TSC2: variants seen among roughly 807,000 people sequenced by gnomAD.
TSC2 encodes the protein tuberin.
TSC2 carries 29 observed loss-of-function variants against 202.2 expected under a neutral mutation model. The ratio of observed to expected loss-of-function variants is 0.14; its 90% CI spans 0.11 to 0.20. The LOEUF (loss-of-function observed/expected upper bound fraction) is 0.20, where lower values mean the gene tolerates loss of function less well. Among genes scored for constraint, TSC2 ranks in the 10% least tolerant of loss-of-function variants. The pLI is 1.00. For missense variants in TSC2, 2,429 were observed against 2,420.0 expected (o/e 1.00, Z -0.08); for synonymous variants, 1,349 against 1,044.0 (o/e 1.29, Z -5.63).
At chr16:2,075,525 CAAAAAAAAAA>C (rs933350142) in intron 22 of TSC2, among the ~76,000 whole-genome samples, 21 of 27,288 alleles carry the variant, frequency 7.7e-4, no homozygotes, top group African/African-American at 2.5e-3. Flanking sequence ...AGACTCATCT[CAAAAAAAAAA>C]AAAAAAAAAA....
In TSC2 at chr16:2,079,657, C is replaced by T. The variant is rs1028039505; in HGVS notation, c.3385C>T (p.Arg1129Cys). Residue 1129 changes from arginine (R) to cysteine (C), a missense_variant, in exon 29 of 42, where the codon CGT becomes TGT. By Grantham distance (180) the Arg-to-Cys change is radical. Coordinates refer to ENST00000219476, the MANE Select transcript of TSC2 (RefSeq NM_000548.5). This position sits in a 1 kb window ranked among gnomAD's most constrained non-coding sequence, Gnocchi z 4.6. ...QVSRGARDRVRSMSGGHGLRV... is the reference protein window; with the variant it reads ...QVSRGARDRVCSMSGGHGLRV... ...GTCCCGTGGGGCCCGGGATCGGGTC[C>T]GTTCCATGTCGGGTGAGCCTTGGCC... is the stretch of plus-strand genomic sequence containing the variant. The T allele has an allele frequency of 5.0e-6, 8 of 1,594,812 alleles. No individual in the cohort carries two copies. Among genetic ancestry groups the T allele is most frequent in the Admixed American group, 1.7e-5 (1 of 57,440 alleles).
In TSC2 at chr16:2,061,991, T is replaced by C; in HGVS notation, c.1240T>C (p.Cys414Arg). ...QERYFELVER[C>R]ADQRPESSLL... ...GAGATACTTTGAACTGGTGGAGAGA[T>C]GTGCGGACCAGAGGCCTGTGAGACC... The change falls in exon 12 of 42, where the codon TGT (cysteine) becomes CGT (arginine). Residue 414 changes from cysteine (C) to arginine (R), a missense_variant. Physicochemically the swap from Cys to Arg is radical, Grantham distance 180. Transcript: ENST00000219476. 1 of 1,614,074 alleles carries C rather than the reference T, an allele frequency of 6.2e-7. No individual in the cohort carries two copies. The highest frequency in any genetic ancestry group is 2.2e-5 in the East Asian group (1 of 44,878).
At chr16:2,065,209 C>G in intron 15 of TSC2, 4 of 341,728 alleles carry the variant, frequency 1.2e-5, no homozygotes, top group South Asian at 1.1e-4. Flanking sequence ...GTCAGGAGAT[C>G]AAGACCATCC....
Position 2,056,720 on chromosome 16 carries a change from C to T in TSC2, c.725C>T (p.Thr242Ile), listed in dbSNP as rs1007232729. Residue 242 changes from threonine to isoleucine, a missense_variant, in exon 8 of 42, where the codon ACC becomes ATC. By Grantham distance (89) the Thr-to-Ile change is moderately conservative. Transcript: ENST00000219476. ...GAGAGCCTCCCGCTGTTCATCGTTA[C>T]CCTCTGTCGCACCATCAACGTCAAG... ...PAESLPLFIV[T>I]LCRTINVKEL... 1.9e-6 allele frequency: 3 copies of T among 1,612,368 alleles called. No individual in the cohort carries two copies. The highest frequency in any genetic ancestry group is 2.2e-5 in the East Asian group (1 of 44,888).
At chr16:2,048,271 T>G (rs963462832) in intron 1 of TSC2, 16 of 1,223,872 alleles carry the variant, frequency 1.3e-5, no homozygotes, top group Admixed American at 5.9e-5. Context: ...CTGCTTCACA[T>G]GGGTAGAGGA....
At position 2,081,695 on chromosome 16, in the gene TSC2, G is replaced by A. The variant is rs754945653; in HGVS notation, c.3711G>A (p.Ala1237=). Reference sequence around the variant, plus strand: ...AGGAGCTGTCTAACGCCCTCATGGCGGCTGAGCGCTTCAAGGAGCACCGGG... The same window carrying A: ...AGGAGCTGTCTAACGCCCTCATGGCAGCTGAGCGCTTCAAGGAGCACCGGG... The part of the protein sequence containing the change: ...PLQELSNALM[A]AERFKEHRDT... Residue 1237 remains alanine, a synonymous_variant, in exon 31 of 42, where the codon GCG becomes GCA. Transcript: ENST00000219476. 4.6e-5 allele frequency: 74 copies of A among 1,612,824 alleles called. No homozygotes were observed. The South Asian group carries it at 4.7e-4, about 10-fold the overall frequency.
rs555401967 is a variant in TSC2 at position 2,080,522 on chromosome 16, G to T, written c.3610+145G>T. 6.4e-5 allele frequency: 60 copies of T among 933,172 alleles called. 1 individual carries two copies. Among genetic ancestry groups the T allele is most frequent in the South Asian group, 1.6e-4 (9 of 57,996 alleles). The allele number at this position is 933,172 out of a possible 1,614,324, so 57.8% of individuals were successfully genotyped here. ...TTTTTGAGACAGAGTCTTGCTCTGTGGCCCACGCTGGAACGCAGTGGCGCA... is the reference window on the plus strand; with the variant it reads ...TTTTTGAGACAGAGTCTTGCTCTGTTGCCCACGCTGGAACGCAGTGGCGCA... On this transcript the variant is annotated intron_variant, in intron 30 of 41. Transcript: ENST00000219476.
chr16:2,069,778 C>A (rs1240435196), intron 16 of TSC2, among the ~76,000 whole-genome samples: 2 of 152,096 alleles, frequency 1.3e-5, no homozygotes, highest in Non-Finnish European at 2.9e-5. Flanking sequence ...CTGTGCCCGG[C>A]CTAATTTTGT....
At chr16:2,061,133 G>A (rs2151144052) in intron 11 of TSC2, 1 of 424,676 alleles carries the variant, frequency 2.4e-6, no homozygotes, top group East Asian at 4.8e-5. Flanking sequence ...AGTTCCCAGA[G>A]GGATGCCAGT....
rs1294591241 is a variant in TSC2 at position 2,088,879 on chromosome 16, GCGCACA to G, written c.*271_*276del. ...ATACAGCACACTCGCGCGTGCGCGC[GCGCACA>G]CACACACACACACAGTCACCTTCCT... is the stretch of plus-strand genomic sequence containing the variant. On this transcript the variant is annotated 3_prime_UTR_variant, in exon 42 of 42. Coordinates refer to ENST00000219476, the MANE Select transcript of TSC2 (RefSeq NM_000548.5). 22 of 469,592 alleles carry G rather than the reference GCGCACA, an allele frequency of 4.7e-5. No individual in the cohort carries two copies. Among genetic ancestry groups the G allele is most frequent in the Middle Eastern group, 5.7e-4 (1 of 1,750 alleles). The allele number at this position is 469,592 out of a possible 1,614,324, so 29.1% of individuals were successfully genotyped here. A position where few individuals can be genotyped will look rare whatever the true frequency, so the allele number is the denominator to read the frequency against.
At chr16:2,083,383 C>T (rs550423700) in intron 32 of TSC2, 21 of 518,632 alleles carry the variant, frequency 4.0e-5, no homozygotes, top group Admixed American at 1.8e-4. Context: ...TGAGGCCCGT[C>T]GGGCGGAGAG....
rs2090535225 is a variant in TSC2 at position 2,084,643 on chromosome 16, G to A, written c.4421G>A (p.Arg1474Lys). 1.3e-6 allele frequency: 2 copies of A among 1,599,846 alleles called. No homozygotes were observed. The highest frequency in any genetic ancestry group is 8.5e-7 in the Non-Finnish European group (1 of 1,179,852). The change falls in exon 34 of 42, where the codon AGA becomes AAA. Residue 1474 changes from arginine (R) to lysine (K), a missense_variant. By Grantham distance (26) the Arg-to-Lys change is conservative. Coordinates refer to ENST00000219476, the MANE Select transcript of TSC2 (RefSeq NM_000548.5). ...TCGGCCCCATCACGCAGGGGCAAGA[G>A]AGTAGAGAGGGACGCCTTAAAGAGC... ...SDSAPSRRGK[R>K]VERDALKSRA...
chr16:2,081,212 C>A, intron 30 of TSC2: 1 of 357,628 alleles, frequency 2.8e-6, no homozygotes, highest in Non-Finnish European at 5.4e-6. Flanking sequence ...CAGAGGGAGC[C>A]CCCGCAGAGG....
intron 30 of TSC2, 69 bp from the exon 31 acceptor site, chr16:2,081,526 C>A (rs2151479544): frequency 6.3e-7 from 1 of 1,598,628 alleles, no homozygotes; most frequent in South Asian, 1.1e-5. Context: ...GGCCAGGAGG[C>A]CCCTGGGGGG....
intron 9 of TSC2, 23 bp from the exon 10 acceptor site, chr16:2,058,724 G>C (rs759602607): frequency 1.3e-6 from 2 of 1,567,828 alleles, no homozygotes; most frequent in Non-Finnish European, 1.7e-6. Flanking sequence ...CTCACATTCC[G>C]TCTCTCTGGG....
At chr16:2,086,911 G>T (rs780448435) in intron 38 of TSC2, 40 bp downstream of exon 38, 41 of 1,554,326 alleles carry the variant, frequency 2.6e-5, no homozygotes, top group Non-Finnish European at 3.5e-5. Flanking sequence ...CCCCAGGCAG[G>T]TGCCCACTGC....
At chr16:2,055,338 AG>A in intron 5 of TSC2, 63 bp from the exon 6 acceptor site, 1 of 1,245,444 alleles carries the variant, frequency 8.0e-7, no homozygotes, top group Non-Finnish European at 1.2e-6. Flanking sequence ...CTGCGGCGGG[AG>A]GGGGAGGTGA....
In TSC2 at chr16:2,054,349, C is replaced by T. The variant is rs2151041690; in HGVS notation, c.390C>T (p.Tyr130=). Residue 130 remains tyrosine, a synonymous_variant, in exon 5 of 42, where the codon TAC becomes TAT. Coordinates refer to ENST00000219476, the MANE Select transcript of TSC2 (RefSeq NM_000548.5). ...RALFFKVIKD[Y]PSNEDLHERL... is the part of the protein sequence containing the mutation. The stretch of plus-strand genomic sequence containing the variant: ...TCTTCTTTAAGGTCATCAAGGATTA[C>T]CCTTCCAACGAAGACCTTCACGAAA... 1.9e-6 allele frequency: 3 copies of T among 1,614,170 alleles called. No individual in the cohort carries two copies. Among genetic ancestry groups the T allele is most frequent in the Non-Finnish European group, 1.7e-6 (2 of 1,180,006 alleles).
intron 1 of TSC2, 103 bp downstream of exon 1, chr16:2,048,168 C>G: frequency 6.5e-7 from 1 of 1,539,466 alleles, no homozygotes; most frequent in Non-Finnish European, 8.8e-7. Context: ...CCCGCGCCCA[C>G]TGCAACCCGA....
Sources: allele counts gnomAD v4.1 joint callset (sites outside exome capture counted in the v4.1 genomes callset), GRCh38; gene constraint gnomAD v4.1.1; non-coding constraint Gnocchi (gnomAD v3.1); transcripts MANE v1.5; gene names NCBI Gene and HGNC (gene_info 2026-07-23, HGNC 2026-07-21).